Variants in TCF20 observed in about 807,000 individuals in gnomAD.
TCF20 encodes the protein transcription factor 20.
In TCF20, 3 loss-of-function variants were observed where a neutral mutation model predicts 148.6. The ratio of observed to expected loss-of-function variants is 0.02; its 90% CI spans 0.01 to 0.05. The LOEUF (loss-of-function observed/expected upper bound fraction) is 0.05, where lower values mean the gene tolerates loss of function less well. Ranked by LOEUF, TCF20 falls within the 10% of genes least tolerant of loss-of-function variation. TCF20 has a pLI of 1.00. For missense variants in TCF20, 2,350 were observed against 2,429.3 expected (o/e 0.97, Z 0.69); for synonymous variants, 1,049 against 909.5 (o/e 1.15, Z -2.76).
At position 42,161,233 on chromosome 22, in the gene TCF20, A is replaced by G; in HGVS notation, c.*170T>C. On this transcript the variant is annotated 3_prime_UTR_variant, in exon 6 of 6. Coordinates refer to ENST00000677622, the MANE Select transcript of TCF20 (RefSeq NM_001378418.1). ...GGTTTGAGTGTGATGTGAGAACTTA[A>G]GGAAGTGCTGGCATGGGCAGGCACG... The G allele has an allele frequency of 7.5e-7, 1 of 1,327,498 alleles. No homozygotes were observed. The highest frequency in any genetic ancestry group is 1.0e-6 in the Non-Finnish European group (1 of 962,848). The allele number at this position is 1,327,498 out of a possible 1,614,324, so 82.2% of individuals were successfully genotyped here. A position where few individuals can be genotyped will look rare whatever the true frequency, so the allele number is the denominator to read the frequency against.
Position 42,214,477 on chromosome 22 carries a change from C to A in TCF20, c.829G>T (p.Val277Leu), listed in dbSNP as rs745338826. ...CCATAAGCCTGTGCATTAGAACCCA[C>A]ATTGTGTCCTTCATACTGAGATCCA... The part of the protein sequence containing the change: ...NAGSQYEGHN[V>L]GSNAQAYGTQ... The change falls in exon 2 of 6, where the codon GTG (valine) becomes TTG (leucine). Residue 277 changes from valine (V) to leucine (L), a missense_variant. Val to Leu is a conservative substitution (Grantham distance 32). This residue lies in a region of TCF20 where 1,641 missense variants were observed against 1,662.6 expected (regional missense o/e 0.99). Transcript: ENST00000677622. 1 of 1,614,204 alleles carries A rather than the reference C, an allele frequency of 6.2e-7. No homozygotes were observed. The highest frequency in any genetic ancestry group is 1.1e-5 in the South Asian group (1 of 91,084).
chr22:42,253,722 A>C (rs995632700), intron 1 of TCF20, among the ~76,000 whole-genome samples: 1 of 152,200 alleles, frequency 6.6e-6, no homozygotes, highest in Admixed American at 6.5e-5. Context: ...TAAGTTTAGT[A>C]AAAACAAGTA....
chr22:42,218,081 A>T (rs1921985918), intron 1 of TCF20, among the ~76,000 whole-genome samples: 1 of 152,244 alleles, frequency 6.6e-6, no homozygotes, highest in Admixed American at 6.5e-5. Flanking sequence ...AGCTATTCAA[A>T]TGGTGATGAT....
chr22:42,334,665 G>A (rs1928035614), intron 1 of TCF20, among the ~76,000 whole-genome samples: 4 of 152,218 alleles, frequency 2.6e-5, no homozygotes, highest in Admixed American at 2.6e-4. Flanking sequence ...GCCAGGCGCT[G>A]CACTGAGACT....
At chr22:42,323,418 A>G (rs1927771113) in intron 1 of TCF20, among the ~76,000 whole-genome samples, 1 of 151,694 alleles carries the variant, frequency 6.6e-6, no homozygotes, top group Non-Finnish European at 1.5e-5. Flanking sequence ...ATGCCCTCAG[A>G]GGTCATTAGC....
At chr22:42,246,099 T>C (rs1434033718) in intron 1 of TCF20, among the ~76,000 whole-genome samples, 1 of 152,158 alleles carries the variant, frequency 6.6e-6, no homozygotes. Flanking sequence ...TTTGCTTAAT[T>C]CTTTTTCTTT....
chr22:42,300,597 G>A (rs1927320110), intron 1 of TCF20, among the ~76,000 whole-genome samples: 1 of 152,100 alleles, frequency 6.6e-6, no homozygotes, highest in Admixed American at 6.5e-5. Context: ...GGGGTCTCAG[G>A]ACTCCCATGC....
chr22:42,244,866 G>A (rs1011401757), intron 1 of TCF20, among the ~76,000 whole-genome samples: 2 of 152,106 alleles, frequency 1.3e-5, no homozygotes, highest in Non-Finnish European at 2.9e-5. Context: ...GATCACTTGA[G>A]TTCAGGAGTT....
chr22:42,180,600 T>C (rs746020240), intron 2 of TCF20, among the ~76,000 whole-genome samples: 25 of 152,174 alleles, frequency 1.6e-4, no homozygotes, highest in Non-Finnish European at 2.8e-4. Context: ...TTGTTCCTGC[T>C]TCTATGAAAA....
intron 1 of TCF20, among the ~76,000 whole-genome samples, chr22:42,293,597 G>T (rs1927172176): frequency 6.6e-6 from 1 of 152,230 alleles, no homozygotes; most frequent in African/African-American, 2.4e-5. Context: ...GCTATGGGAA[G>T]GGGAGGGTAG....
At chr22:42,177,793 T>G (rs1034118607) in intron 3 of TCF20, among the ~76,000 whole-genome samples, 3 of 152,134 alleles carry the variant, frequency 2.0e-5, no homozygotes, top group East Asian at 1.9e-4. Context: ...CCTGAGCAAT[T>G]AGGGGTGCTA....
intron 1 of TCF20, among the ~76,000 whole-genome samples, chr22:42,245,237 A>G (rs1924805512): frequency 6.6e-6 from 1 of 152,020 alleles, no homozygotes; most frequent in Non-Finnish European, 1.5e-5. Flanking sequence ...ACAGGCATGC[A>G]CCACTATGCC....
chr22:42,164,841 C>T (rs1935684339), intron 5 of TCF20, among the ~76,000 whole-genome samples: 1 of 152,158 alleles, frequency 6.6e-6, no homozygotes, highest in Admixed American at 6.5e-5. Flanking sequence ...AAAGTGTTTC[C>T]AGCACAAGGA....
intron 1 of TCF20, among the ~76,000 whole-genome samples, chr22:42,329,447 G>A (rs1455498852): frequency 6.6e-6 from 1 of 152,246 alleles, no homozygotes; most frequent in Admixed American, 6.5e-5. Context: ...ATATTCAGGA[G>A]CAAAGTAAGG....
Position 42,210,445 on chromosome 22 carries a change from G to C in TCF20, c.4861C>G (p.Leu1621Val), listed in dbSNP as rs761045732. 6.2e-7 allele frequency: 1 copy of C among 1,614,264 alleles called. No homozygotes were observed. Among genetic ancestry groups the C allele is most frequent in the Non-Finnish European group, 8.5e-7 (1 of 1,180,050 alleles). ...TTGTTCTTGGCATCAGTTTTATCCA[G>C]TGGCTGGGTGGCATATTTTAGTTTG... ...EIKLKYATQP[L>V]DKTDAKNKSF... Residue 1621 changes from leucine (L) to valine (V), a missense_variant, in exon 2 of 6, where the codon CTG becomes GTG. By Grantham distance (32) the Leu-to-Val change is conservative (BLOSUM62 1). Around this residue, in one of 7 missense-constraint regions of TCF20, gnomAD observed 374 missense variants for 398.3 expected, o/e 0.94. Coordinates refer to ENST00000677622, the MANE Select transcript of TCF20 (RefSeq NM_001378418.1). The surrounding 1 kb of genome is among the most constrained non-coding windows in gnomAD (Gnocchi z 4.7).
At chr22:42,169,980 G>A in intron 3 of TCF20, 84 bp from the exon 4 acceptor site, 2 of 1,412,620 alleles carry the variant, frequency 1.4e-6, no homozygotes, top group South Asian at 2.3e-5. Flanking sequence ...GACAGGGTCA[G>A]ACATAAAGGT....
In TCF20 at chr22:42,214,740, T is replaced by C; in HGVS notation, c.566A>G (p.Gln189Arg). ...GGCCTGTGGCAGGGGCTGATGGGAC[T>C]GGTAAAGCTGTTGTCTCAACTGCTG... ...QVQQLRQQLYQSHQPLPQATG... is the reference protein window; with the variant it reads ...QVQQLRQQLYRSHQPLPQATG... The change falls in exon 2 of 6, where the codon CAG becomes CGG. Residue 189 changes from glutamine (Q) to arginine (R), a missense_variant. Coordinates refer to ENST00000677622, the MANE Select transcript of TCF20 (RefSeq NM_001378418.1). 6.2e-7 allele frequency: 1 copy of C among 1,614,094 alleles called. No homozygotes were observed. Among genetic ancestry groups the C allele is most frequent in the Non-Finnish European group, 8.5e-7 (1 of 1,180,042 alleles).
intron 1 of TCF20, among the ~76,000 whole-genome samples, chr22:42,251,028 C>T (rs764299336): frequency 6.6e-6 from 1 of 152,174 alleles, no homozygotes; most frequent in South Asian, 2.1e-4. Context: ...AAAAATCCAC[C>T]CACATAATCC....
chr22:42,222,915 G>A (rs865890339), intron 1 of TCF20, among the ~76,000 whole-genome samples: 6 of 152,200 alleles, frequency 3.9e-5, no homozygotes, highest in Non-Finnish European at 7.3e-5. Context: ...CACTTTGGGA[G>A]GCCGAGGCAG....
Sources: allele counts gnomAD v4.1 joint callset (sites outside exome capture counted in the v4.1 genomes callset), GRCh38; gene constraint gnomAD v4.1.1; regional missense constraint gnomAD v4.1.1; non-coding constraint Gnocchi (gnomAD v3.1); transcripts MANE v1.5; gene names NCBI Gene and HGNC (gene_info 2026-07-23, HGNC 2026-07-21).